The following GCC2 variants were observed in gnomAD, a reference collection of about 807,000 sequenced individuals.
The protein encoded by GCC2 is GRIP and coiled-coil domain-containing protein 2.
Under a neutral mutation model 210.6 loss-of-function variants are expected in GCC2, and 120 were observed. The observed-to-expected ratio is 0.57, with a 90% CI of 0.49 to 0.66. GCC2 has a LOEUF of 0.66. Among genes scored for constraint, GCC2 ranks in the 30% least tolerant of loss-of-function variants. The pLI is 0.00. For synonymous variants in GCC2, 703 were observed against 652.7 expected, an observed-to-expected ratio of 1.08 and a Z score of -1.17; for missense variants, 1,868 against 1,871.9, an observed-to-expected ratio of 1.00 and a Z score of 0.04.
chr2:108,483,256 C>T, intron 12 of GCC2, 90 bp downstream of exon 12: 1 of 705,476 alleles, frequency 1.4e-6, no homozygotes, highest in South Asian at 1.7e-5. Context: ...TGCAATCTCA[C>T]TCTGTGGCCC....
intron 7 of GCC2, among the ~76,000 whole-genome samples, chr2:108,474,472 A>C (rs914728371): frequency 1.3e-5 from 2 of 152,246 alleles, no homozygotes; most frequent in East Asian, 3.8e-4. Context: ...TGTCCATGAC[A>C]TGCTGGAACC....
intron 4 of GCC2, among the ~76,000 whole-genome samples, chr2:108,458,153 C>T (rs1370090149): frequency 6.6e-6 from 1 of 152,016 alleles, no homozygotes; most frequent in Non-Finnish European, 1.5e-5. Flanking sequence ...TTATGAATTC[C>T]TTTTTCTGCG....
At chr2:108,497,710 CA>C (rs1239299811) in intron 21 of GCC2, among the ~76,000 whole-genome samples, 1 of 152,090 alleles carries the variant, frequency 6.6e-6, no homozygotes, top group Non-Finnish European at 1.5e-5. Flanking sequence ...AGGAATGTTG[CA>C]GAACAGTTGA....
At chr2:108,500,032 C>T (rs1425617090) in intron 22 of GCC2, among the ~76,000 whole-genome samples, 1 of 152,162 alleles carries the variant, frequency 6.6e-6, no homozygotes, top group Admixed American at 6.5e-5. Context: ...GTGTTGCGTT[C>T]TGGTGTTCAG....
intron 19 of GCC2, chr2:108,493,480 G>A: frequency 1.0e-6 from 1 of 987,456 alleles, no homozygotes; most frequent in Non-Finnish European, 1.2e-6. Context: ...AGAAACATTA[G>A]ATAGAGCAAG....
At chr2:108,492,963 C>A (rs528024467) in intron 19 of GCC2, among the ~76,000 whole-genome samples, 173 bp downstream of exon 19, 2 of 150,524 alleles carry the variant, frequency 1.3e-5, no homozygotes, top group East Asian at 4.0e-4. Flanking sequence ...CCATCTGAAT[C>A]CTTCCCTCTT....
chr2:108,492,448 G>A, intron 18 of GCC2, 125 bp from the exon 19 acceptor site: 1 of 668,300 alleles, frequency 1.5e-6, no homozygotes, highest in East Asian at 2.7e-5. Context: ...GTATGTAGGA[G>A]AGAAGTTGAT....
chr2:108,507,532 CTT>C (rs201688853), intron 22 of GCC2, 26 bp from the exon 23 acceptor site: 77 of 1,291,558 alleles, frequency 6.0e-5, no homozygotes, highest in Middle Eastern at 2.3e-4. Flanking sequence ...TTTTATTTTT[CTT>C]TTTTTTTTTG....
chr2:108,449,516 AC>A, intron 1 of GCC2, 116 bp from the exon 2 acceptor site: 1 of 1,258,142 alleles, frequency 7.9e-7, no homozygotes, highest in East Asian at 2.4e-5. Flanking sequence ...TCTCTGTCTC[AC>A]GAGGCTTTCC....
chr2:108,452,373 G>T, intron 3 of GCC2, 26 bp from the exon 4 acceptor site: 2 of 1,165,502 alleles, frequency 1.7e-6, no homozygotes, highest in South Asian at 2.5e-5. Context: ...TTCTGAACCG[G>T]AGTCCTTTAT....
At chr2:108,467,952 T>C (rs1355236467) in intron 4 of GCC2, among the ~76,000 whole-genome samples, 1 of 152,204 alleles carries the variant, frequency 6.6e-6, no homozygotes, top group African/African-American at 2.4e-5. Context: ...TATAGTATTA[T>C]GCTTCTTAAA....
intron 10 of GCC2, 37 bp downstream of exon 10, chr2:108,481,853 C>T: frequency 1.4e-6 from 2 of 1,428,532 alleles, no homozygotes; most frequent in Non-Finnish European, 1.9e-6. Context: ...AAAACTATAA[C>T]AGGTATATTT....
At chr2:108,493,391 A>G (rs767129182) in intron 19 of GCC2, 97 of 971,326 alleles carry the variant, frequency 1.0e-4, no homozygotes, top group Non-Finnish European at 1.1e-4. Flanking sequence ...CCTGGCCGAC[A>G]CATGTCTTAA....
intron 22 of GCC2, among the ~76,000 whole-genome samples, chr2:108,504,141 A>G (rs953935142): frequency 2.7e-4 from 41 of 152,314 alleles, no homozygotes; most frequent in African/African-American, 9.1e-4. Context: ...ATTAAGAAAT[A>G]AAAATAATAT....
chr2:108,459,090 C>T (rs1680420201), intron 4 of GCC2, among the ~76,000 whole-genome samples: 2 of 152,170 alleles, frequency 1.3e-5, no homozygotes, highest in Non-Finnish European at 1.5e-5. Flanking sequence ...TTTGTTGTAT[C>T]ACACAGGTTT....
In GCC2 at chr2:108,466,652, T is replaced by G. The variant is rs529948194; in HGVS notation, c.217-2328T>G. Among the ~76,000 whole-genome samples, 5 of 151,694 alleles carry G rather than the reference T, an allele frequency of 3.3e-5. No homozygotes were observed. The South Asian group carries it at 1.0e-3, about 32-fold the overall frequency. On this transcript the variant is annotated intron_variant, in intron 4 of 22. Coordinates refer to ENST00000309863, the MANE Select transcript of GCC2 (RefSeq NM_181453.4). ...CACACCTGACTAATTTTTTGTATTT[T>G]TAGTAGAGATGGGGTTTCACTATGT...
At chr2:108,456,824 CT>C (rs1180602791) in intron 4 of GCC2, among the ~76,000 whole-genome samples, 4 of 151,978 alleles carry the variant, frequency 2.6e-5, no homozygotes, top group Non-Finnish European at 5.9e-5. Flanking sequence ...TGGAACATGC[CT>C]GTAGTCCCAT....
chr2:108,496,589 A>T lies in GCC2; in HGVS notation c.4643-381A>T. 3 of 240,116 alleles carry T rather than the reference A, an allele frequency of 1.2e-5. No homozygotes were observed. In the South Asian group the frequency reaches 1.5e-4, roughly 12 times the overall value. The allele number at this position is 240,116 out of a possible 1,614,324, so 14.9% of individuals were successfully genotyped here. A position where few individuals can be genotyped will look rare whatever the true frequency, so the allele number is the denominator to read the frequency against. On this transcript the variant is annotated intron_variant, in intron 20 of 22. Coordinates refer to ENST00000309863, the MANE Select transcript of GCC2 (RefSeq NM_181453.4). ...CTACCCCGCCTGATAGAAGATTCTT[A>T]TGAGGGAACATGATACGTGACCAGT...
intron 19 of GCC2, chr2:108,494,652 G>T (rs1033917514): frequency 2.0e-5 from 3 of 152,118 alleles, no homozygotes; most frequent in African/African-American, 7.2e-5. Context: ...ATTTTGGCCA[G>T]TATTTAGCAG....
Sources: gnomAD v4.1 joint callset for allele counts (sites outside exome capture counted in the v4.1 genomes callset) on GRCh38, gnomAD v4.1.1 for gene constraint, MANE v1.5 for transcripts, NCBI Gene and HGNC (gene_info 2026-07-23, HGNC 2026-07-21) for gene names.